Variants in ZNF438 observed in about 807,000 individuals in gnomAD.
ZNF438 encodes zinc finger protein 438.
In ZNF438, 25 loss-of-function variants were observed where a neutral mutation model predicts 38.0. The observed-to-expected ratio is 0.66, with a 90% CI of 0.48 to 0.92. The LOEUF is 0.92. Ranked by LOEUF, ZNF438 falls within the 40% of genes least tolerant of loss-of-function variation. The probability of loss-of-function intolerance (pLI) is 0.00; values close to 1 mark genes in which losing one functional copy is unlikely to be tolerated. For missense variants in ZNF438, 1,007 were observed against 999.6 expected, an observed-to-expected ratio of 1.01 and a Z score of -0.10; for synonymous variants, 372 against 364.1, an observed-to-expected ratio of 1.02 and a Z score of -0.25.
At chr10:30,930,996 G>A (rs1481465739) in intron 2 of ZNF438, among the ~76,000 whole-genome samples, 4 of 152,158 alleles carry the variant, frequency 2.6e-5, no homozygotes, top group Non-Finnish European at 4.4e-5. Context: ...AGACCCTCAC[G>A]GGGCTTGCAG....
In ZNF438 at chr10:30,960,659, C is replaced by T. The variant is rs1313945338; in HGVS notation, c.-191-19008G>A. ...ACGGCCACGTTGTCCTGAATACTGT[C>T]ACCTTAGATTGAGTTTTGAAATGGG... is the stretch of plus-strand genomic sequence containing the variant. On this transcript the variant is annotated intron_variant, in intron 1 of 5. Coordinates refer to ENST00000413025, the Ensembl canonical transcript of ZNF438. 2.7e-5 allele frequency among the ~76,000 whole-genome samples: 4 copies of T among 146,676 alleles called. 1 individual carries two copies. The highest frequency in any genetic ancestry group is 2.1e-4 in the Admixed American group (3 of 14,532).
chr10:31,014,036 C>T lies in ZNF438; in HGVS notation c.-192+17797G>A, dbSNP rs879698099. 3.5e-4 allele frequency among the ~76,000 whole-genome samples: 53 copies of T among 152,160 alleles called. 1 individual carries two copies. Among genetic ancestry groups the T allele is most frequent in the Admixed American group, 2.6e-3 (40 of 15,278 alleles). Reference sequence around the variant, plus strand: ...AATGAAAATTCCCTCAAAGTGTTATCAATTTAATAATGATATCCTTGATCT... The same window carrying T: ...AATGAAAATTCCCTCAAAGTGTTATTAATTTAATAATGATATCCTTGATCT... On this transcript the variant is annotated intron_variant, in intron 1 of 5. Transcript: ENST00000413025.
Position 30,949,980 on chromosome 10 carries a change from T to C in ZNF438, c.-191-8329A>G, listed in dbSNP as rs537033269. ...GCACCACACCACACCTATTCCAAAATTGACCACATACTTGGTAGTAAAGCT... is the reference window on the plus strand; with the variant it reads ...GCACCACACCACACCTATTCCAAAACTGACCACATACTTGGTAGTAAAGCT... On this transcript the variant is annotated intron_variant, in intron 1 of 5. Transcript: ENST00000413025. Among the ~76,000 whole-genome samples, 8 of 152,272 alleles carry C rather than the reference T, an allele frequency of 5.3e-5. No homozygotes were observed. In the East Asian group the frequency reaches 7.7e-4, roughly 15 times the overall value.
At chr10:31,010,480 T>G (rs2055567323) in intron 1 of ZNF438, among the ~76,000 whole-genome samples, 1 of 152,176 alleles carries the variant, frequency 6.6e-6, no homozygotes, top group South Asian at 2.1e-4. Context: ...AACTTTAAAT[T>G]TCTTGATCTT....
chr10:30,871,923 T>C (rs2037475875), intron 4 of ZNF438, among the ~76,000 whole-genome samples: 1 of 152,226 alleles, frequency 6.6e-6, no homozygotes. Context: ...CCACCCCGAC[T>C]TCTTACTTTT....
At chr10:30,888,050 C>T (rs1476407123) in intron 3 of ZNF438, among the ~76,000 whole-genome samples, 1 of 152,006 alleles carries the variant, frequency 6.6e-6, no homozygotes, top group Non-Finnish European at 1.5e-5. Context: ...ATTTGAGTTG[C>T]TGCCAGTTTT....
intron 1 of ZNF438, among the ~76,000 whole-genome samples, chr10:31,007,175 G>T (rs1440332227): frequency 6.6e-6 from 1 of 151,998 alleles, no homozygotes; most frequent in Non-Finnish European, 1.5e-5. Flanking sequence ...AGGGAGAAGG[G>T]AAGCCCTGCT....
At chr10:30,862,982 T>C (rs986351045) in intron 4 of ZNF438, among the ~76,000 whole-genome samples, 6 of 152,224 alleles carry the variant, frequency 3.9e-5, no homozygotes, top group Non-Finnish European at 8.8e-5. Flanking sequence ...TGTTTTATAG[T>C]AGAGTTTTAC....
intron 1 of ZNF438, among the ~76,000 whole-genome samples, chr10:30,991,243 G>C (rs1323473424): frequency 2.0e-5 from 3 of 152,172 alleles, no homozygotes; most frequent in Non-Finnish European, 4.4e-5. Flanking sequence ...TTTCACCCTG[G>C]TAGAACAAGC....
intron 2 of ZNF438, among the ~76,000 whole-genome samples, chr10:30,930,344 C>A (rs1359936125): frequency 6.6e-6 from 1 of 152,062 alleles, no homozygotes; most frequent in East Asian, 1.9e-4. Context: ...TGCCCAGGGC[C>A]GACACTCCTG....
At chr10:30,868,278 A>C (rs11008292) in intron 4 of ZNF438, among the ~76,000 whole-genome samples, 89,002 of 151,752 alleles carry the variant, frequency 0.59, 26,351 homozygotes, top group African/African-American at 0.62. Flanking sequence ...ACTATGTTGG[A>C]TAGGCTGGTT....
At chr10:30,944,661 A>G (rs1249941506) in intron 1 of ZNF438, among the ~76,000 whole-genome samples, 4 of 152,198 alleles carry the variant, frequency 2.6e-5, no homozygotes, top group African/African-American at 4.8e-5. Context: ...ATATAGCAGC[A>G]TTCAGATTTT....
chr10:30,886,368 T>C (rs985423259), intron 3 of ZNF438, among the ~76,000 whole-genome samples: 1 of 152,220 alleles, frequency 6.6e-6, no homozygotes, highest in Non-Finnish European at 1.5e-5. Flanking sequence ...AAATTTTTAA[T>C]GCACTTGAGG....
chr10:31,018,901 C>T (rs935993905), intron 1 of ZNF438, among the ~76,000 whole-genome samples: 3 of 152,136 alleles, frequency 2.0e-5, no homozygotes, highest in African/African-American at 7.2e-5. Flanking sequence ...GGACAAGCAC[C>T]TTATATTTAC....
chr10:30,924,193 T>C (rs2044643383), intron 2 of ZNF438, among the ~76,000 whole-genome samples: 1 of 151,984 alleles, frequency 6.6e-6, no homozygotes, highest in Admixed American at 6.6e-5. Flanking sequence ...ACACCAGAGG[T>C]TTGGTCTAGG....
At chr10:30,876,824 A>G (rs780243654) in intron 4 of ZNF438, among the ~76,000 whole-genome samples, 174 bp downstream of exon 5, 4 of 152,202 alleles carry the variant, frequency 2.6e-5, no homozygotes, top group Non-Finnish European at 5.9e-5. Context: ...AAACTCAGGA[A>G]TCCATATACA....
At position 30,914,468 on chromosome 10, in the gene ZNF438, C is replaced by T. The variant is rs899691843; in HGVS notation, c.-114-5453G>A. Among the ~76,000 whole-genome samples the T allele has an allele frequency of 4.7e-5, 7 of 149,928 alleles. No homozygotes were observed. In the East Asian group the frequency reaches 7.8e-4, roughly 17 times the overall value. On this transcript the variant is annotated intron_variant, in intron 2 of 5. Transcript: ENST00000413025. ...AAATAAATACACACACAAATGAGTTCGAGAAAAACTAGGAAAATCTGAATA... is the reference window on the plus strand; with the variant it reads ...AAATAAATACACACACAAATGAGTTTGAGAAAAACTAGGAAAATCTGAATA...
intron 3 of ZNF438, among the ~76,000 whole-genome samples, chr10:30,889,705 A>G (rs1219724449): frequency 6.6e-6 from 1 of 152,150 alleles, no homozygotes; most frequent in Non-Finnish European, 1.5e-5. Flanking sequence ...CGTGTCCGGC[A>G]TCAACACATA....
intron 3 of ZNF438, among the ~76,000 whole-genome samples, chr10:30,882,976 A>G (rs2039467282): frequency 6.6e-6 from 1 of 152,230 alleles, no homozygotes; most frequent in Non-Finnish European, 1.5e-5. Context: ...TTGCAGTATT[A>G]CTATGCACTC....
Sources: allele counts gnomAD v4.1 joint callset (sites outside exome capture counted in the v4.1 genomes callset), GRCh38; gene constraint gnomAD v4.1.1; transcripts MANE v1.5; gene names NCBI Gene and HGNC (gene_info 2026-07-23, HGNC 2026-07-21).